Variants in ANGPT1 observed in about 807,000 individuals in gnomAD.
ANGPT1 encodes angiopoietin 1.
ANGPT1 carries 17 observed loss-of-function variants against 62.2 expected under a neutral mutation model. The ratio of observed to expected loss-of-function variants is 0.27; its 90% CI spans 0.19 to 0.41. The LOEUF (loss-of-function observed/expected upper bound fraction) is 0.41. Ranked by LOEUF, ANGPT1 falls within the 10% of genes least tolerant of loss-of-function variation. The pLI, the probability that ANGPT1 is intolerant of heterozygous loss-of-function variation, is 1.00. For synonymous variants in ANGPT1, 199 were observed against 198.9 expected (o/e 1.00, Z 0.00); for missense variants, 478 against 594.9 (o/e 0.80, Z 2.04).
chr8:107,359,858 G>A (rs2130198828), intron 1 of ANGPT1, among the ~76,000 whole-genome samples: 1 of 152,270 alleles, frequency 6.6e-6, no homozygotes, highest in Admixed American at 6.5e-5. Context: ...AAATGGTTTG[G>A]TTGGTTTTCT....
At chr8:107,273,102 TGTTACCAAAAATTAA>T (rs1481602420) in intron 7 of ANGPT1, among the ~76,000 whole-genome samples, 1 of 152,076 alleles carries the variant, frequency 6.6e-6, no homozygotes, top group Non-Finnish European at 1.5e-5. Flanking sequence ...GGTTTTGCTT[TGTTACCAAAAATTAA>T]GTCAGGACCT....
intron 1 of ANGPT1, among the ~76,000 whole-genome samples, chr8:107,444,153 T>A (rs995201340): frequency 6.6e-6 from 1 of 152,204 alleles, no homozygotes; most frequent in African/African-American, 2.4e-5. Flanking sequence ...CTGGCACCAG[T>A]GCTTAATGCC....
chr8:107,450,455 G>A (rs552904161), intron 1 of ANGPT1, among the ~76,000 whole-genome samples: 12 of 151,966 alleles, frequency 7.9e-5, no homozygotes, highest in African/African-American at 2.4e-4. Context: ...CTCTATGGGC[G>A]GAAAGAGGGA....
intron 1 of ANGPT1, among the ~76,000 whole-genome samples, chr8:107,391,062 G>T (rs1225210384): frequency 1.3e-5 from 2 of 152,136 alleles, no homozygotes; most frequent in East Asian, 3.9e-4. Flanking sequence ...TGGCATACCA[G>T]TTACTAGGTA....
In ANGPT1 at chr8:107,294,049, A is replaced by G. The variant is rs748382896; in HGVS notation, c.937-12T>C. On this transcript the variant is annotated splice_polypyrimidine_tract_variant and intron_variant, in intron 5 of 8. Transcript: ENST00000517746. ...ATATTGCAAAACACCTGACAAATGG[A>G]AAACAAAGTCAAGTAAAAAATACTT... 4.4e-6 allele frequency: 7 copies of G among 1,596,510 alleles called. No homozygotes were observed. Among genetic ancestry groups the G allele is most frequent in the Non-Finnish European group, 5.1e-6 (6 of 1,168,588 alleles).
chr8:107,444,341 A>G (rs1437727039), intron 1 of ANGPT1, among the ~76,000 whole-genome samples: 1 of 152,210 alleles, frequency 6.6e-6, no homozygotes, highest in African/African-American at 2.4e-5. Context: ...ACAATTTATG[A>G]GGAAAAAGCA....
chr8:107,408,858 T>G (rs146560256), intron 1 of ANGPT1, among the ~76,000 whole-genome samples: 6 of 152,336 alleles, frequency 3.9e-5, no homozygotes, highest in African/African-American at 1.4e-4. Context: ...GAGGTAAGAT[T>G]ATTTTCTGTT....
intron 6 of ANGPT1, among the ~76,000 whole-genome samples, chr8:107,292,104 G>A (rs1457214847): frequency 6.6e-6 from 1 of 152,092 alleles, no homozygotes; most frequent in Non-Finnish European, 1.5e-5. Flanking sequence ...TCAGTTTCCA[G>A]AGGATGCTAA....
intron 1 of ANGPT1, among the ~76,000 whole-genome samples, chr8:107,484,185 G>C (rs536496853): frequency 2.4e-4 from 36 of 152,298 alleles, no homozygotes; most frequent in Middle Eastern, 3.4e-3. Context: ...AGAGTGAAGA[G>C]CTTCAGATTT....
At chr8:107,296,598 AGAAGT>A in intron 5 of ANGPT1, among the ~76,000 whole-genome samples, 1 of 152,242 alleles carries the variant, frequency 6.6e-6, no homozygotes, top group East Asian at 1.9e-4. Context: ...GTGATTCAAG[AGAAGT>A]GGTCAAAGTG....
intron 2 of ANGPT1, among the ~76,000 whole-genome samples, chr8:107,345,161 G>C (rs1456366911): frequency 6.6e-6 from 1 of 152,118 alleles, no homozygotes; most frequent in Non-Finnish European, 1.5e-5. Context: ...TGATGGATTT[G>C]TGATTTTTGA....
At chr8:107,390,497 G>T (rs1490825172) in intron 1 of ANGPT1, among the ~76,000 whole-genome samples, 1 of 152,116 alleles carries the variant, frequency 6.6e-6, no homozygotes, top group African/African-American at 2.4e-5. Context: ...TGAAATAGTT[G>T]ATATTGTATT....
At chr8:107,446,631 A>C (rs916691804) in intron 1 of ANGPT1, among the ~76,000 whole-genome samples, 1 of 152,228 alleles carries the variant, frequency 6.6e-6, no homozygotes, top group African/African-American at 2.4e-5. Flanking sequence ...GCTATGGCTT[A>C]GCTATGGCTA....
intron 1 of ANGPT1, among the ~76,000 whole-genome samples, chr8:107,395,284 A>G (rs1816913643): frequency 6.6e-6 from 1 of 152,188 alleles, no homozygotes; most frequent in Admixed American, 6.5e-5. Context: ...TTTAAAACAT[A>G]TATTTTATAT....
At chr8:107,466,452 G>T (rs1247703916) in intron 1 of ANGPT1, among the ~76,000 whole-genome samples, 1 of 152,016 alleles carries the variant, frequency 6.6e-6, no homozygotes, top group African/African-American at 2.4e-5. Flanking sequence ...CTAAAAGCTA[G>T]TGTTATCTAT....
intron 6 of ANGPT1, 122 bp from the exon 7 acceptor site, chr8:107,284,970 C>A (rs1814104892): frequency 1.3e-6 from 1 of 770,438 alleles, no homozygotes; most frequent in South Asian, 5.0e-5. Flanking sequence ...TTGTTTTTTA[C>A]ATTTTACACT....
chr8:107,417,205 A>G (rs1269728927), intron 1 of ANGPT1, among the ~76,000 whole-genome samples: 2 of 152,220 alleles, frequency 1.3e-5, no homozygotes, highest in Non-Finnish European at 2.9e-5. Context: ...ACCATGGATA[A>G]AAACCTATAT....
At position 107,257,870 on chromosome 8, in the gene ANGPT1, G is replaced by GTTTTTTTTTTTTTTTTTTTT. The variant is rs750634420; in HGVS notation, c.1337-5856_1337-5855insAAAAAAAAAAAAAAAAAAAA. On this transcript the variant is annotated intron_variant, in intron 8 of 8. Transcript: ENST00000517746. ...TATATCCTCTTCAGGCCAAGGACTT[G>GTTTTTTTTTTTTTTTTTTTT]TTTTTGTTTCTTTTTTGTTTGTTTG... 1.5e-3 allele frequency among the ~76,000 whole-genome samples: 69 copies of GTTTTTTTTTTTTTTTTTTTT among 45,174 alleles called. 5 individuals are homozygous for GTTTTTTTTTTTTTTTTTTTT. Among genetic ancestry groups the GTTTTTTTTTTTTTTTTTTTT allele is most frequent in the Middle Eastern group, 0.016 (1 of 64 alleles). 29.6% of individuals were successfully genotyped at this position (45,174 alleles called of 152,430 possible).
intron 1 of ANGPT1, among the ~76,000 whole-genome samples, chr8:107,431,695 A>G (rs1446958212): frequency 6.6e-6 from 1 of 151,168 alleles, no homozygotes; most frequent in Non-Finnish European, 1.5e-5. Flanking sequence ...TAATGCTTGT[A>G]TCTACCTTCC....
Sources: gnomAD v4.1 joint callset for allele counts (sites outside exome capture counted in the v4.1 genomes callset) on GRCh38, gnomAD v4.1.1 for gene constraint, MANE v1.5 for transcripts, NCBI Gene and HGNC (gene_info 2026-07-23, HGNC 2026-07-21) for gene names.